RBFOX1: variants seen among roughly 807,000 people sequenced by gnomAD.
RBFOX1 encodes the protein RNA binding protein fox-1 homolog 1.
A neutral mutation model predicts 57.7 loss-of-function variants in RBFOX1; 8 were observed. That is an observed-to-expected ratio of 0.14 (90% CI 0.08 to 0.25). The LOEUF (loss-of-function observed/expected upper bound fraction) is 0.25, where lower values mean the gene tolerates loss of function less well. Among genes scored for constraint, RBFOX1 ranks in the 10% least tolerant of loss-of-function variants. The pLI is 1.00. For missense variants in RBFOX1, 611 were observed against 548.5 expected (o/e 1.11, Z -1.14); for synonymous variants, 326 against 222.4 (o/e 1.47, Z -4.15).
intron 3 of RBFOX1, among the ~76,000 whole-genome samples, chr16:6,722,422 G>T (rs1203394931): frequency 6.6e-6 from 1 of 152,198 alleles, no homozygotes; most frequent in African/African-American, 2.4e-5. Flanking sequence ...ATTATTTGCA[G>T]AGCAGCTGGA....
At chr16:7,455,234 G>A (rs749953136) in intron 4 of RBFOX1, among the ~76,000 whole-genome samples, 1 of 152,098 alleles carries the variant, frequency 6.6e-6, no homozygotes, top group Non-Finnish European at 1.5e-5. Flanking sequence ...AATAAGTGGT[G>A]GTTTTATTTC....
chr16:6,970,662 C>T (rs567211448), intron 3 of RBFOX1, among the ~76,000 whole-genome samples: 2 of 152,196 alleles, frequency 1.3e-5, no homozygotes, highest in Admixed American at 1.3e-4. Context: ...GCTATGACCT[C>T]ATGACGTAAT....
intron 1 of RBFOX1, among the ~76,000 whole-genome samples, chr16:5,417,389 CAA>C (rs2067189726): frequency 2.0e-5 from 3 of 152,134 alleles, no homozygotes; most frequent in African/African-American, 7.2e-5. Context: ...GCATGATTGA[CAA>C]AGTCATTTCT....
chr16:6,886,173 T>A (rs965276161), intron 3 of RBFOX1, among the ~76,000 whole-genome samples: 1 of 151,742 alleles, frequency 6.6e-6, no homozygotes, highest in African/African-American at 2.4e-5. Context: ...GTGACTCTCC[T>A]GCCTCAGCCT....
At chr16:6,646,345 T>C (rs2345610) in intron 2 of RBFOX1, among the ~76,000 whole-genome samples, 112,311 of 152,058 alleles carry the variant, frequency 0.74, 41,636 homozygotes, top group Admixed American at 0.83. Flanking sequence ...GATGACAAAC[T>C]AACAATATCA....
chr16:5,869,871 A>T (rs1384521808), intron 4 of RBFOX1, among the ~76,000 whole-genome samples: 1 of 152,158 alleles, frequency 6.6e-6, no homozygotes, highest in Non-Finnish European at 1.5e-5. Flanking sequence ...CACATGCAAG[A>T]ATTCCCATAA....
At chr16:6,415,806 C>T (rs929957587) in intron 2 of RBFOX1, among the ~76,000 whole-genome samples, 9 of 152,168 alleles carry the variant, frequency 5.9e-5, no homozygotes, top group South Asian at 2.1e-4. Flanking sequence ...CAAATGCAGA[C>T]GCAAATGACT....
chr16:6,800,154 C>G (rs1032969141), intron 3 of RBFOX1, among the ~76,000 whole-genome samples: 21 of 152,098 alleles, frequency 1.4e-4, no homozygotes, highest in East Asian at 7.7e-4. Flanking sequence ...GGGCCAATTT[C>G]TTTGCGACAT....
intron 3 of RBFOX1, among the ~76,000 whole-genome samples, chr16:6,905,598 C>G (rs984485168): frequency 6.7e-6 from 1 of 149,430 alleles, no homozygotes; most frequent in African/African-American, 2.5e-5. Flanking sequence ...TTCAAATCAT[C>G]TAGCTAGTAG....
chr16:6,169,448 A>G (rs1207230142), intron 1 of RBFOX1, among the ~76,000 whole-genome samples: 3 of 152,216 alleles, frequency 2.0e-5, no homozygotes, highest in Non-Finnish European at 4.4e-5. Flanking sequence ...CTGATGAAAA[A>G]AAAAGCTTCA....
At chr16:5,385,512 T>C (rs563494165) in intron 1 of RBFOX1, among the ~76,000 whole-genome samples, 1 of 152,300 alleles carries the variant, frequency 6.6e-6, no homozygotes, top group Admixed American at 6.5e-5. Flanking sequence ...AACAGAATAA[T>C]TCGGGGAGCA....
chr16:5,301,421 C>A (rs556850698), intron 1 of RBFOX1, among the ~76,000 whole-genome samples: 1 of 151,992 alleles, frequency 6.6e-6, no homozygotes, highest in Admixed American at 6.6e-5. Flanking sequence ...AGATTGAGAC[C>A]ATCCTGGCTA....
intron 4 of RBFOX1, among the ~76,000 whole-genome samples, chr16:7,375,914 T>TC (rs1348148277): frequency 1.3e-5 from 2 of 152,192 alleles, no homozygotes; most frequent in African/African-American, 4.8e-5. Context: ...TGTGCCCACG[T>TC]CCTGCCTTAA....
At chr16:5,801,083 C>T (rs1457041133) in intron 3 of RBFOX1, among the ~76,000 whole-genome samples, 1 of 152,088 alleles carries the variant, frequency 6.6e-6, no homozygotes, top group African/African-American at 2.4e-5. Flanking sequence ...TAAAAATAGG[C>T]CCCGCCCAGA....
rs559063754 is a variant in RBFOX1 at position 6,408,590 on chromosome 16, G to A, written c.-64+91533G>A. 1.2e-4 allele frequency among the ~76,000 whole-genome samples: 18 copies of A among 152,236 alleles called. No individual in the cohort carries two copies. The East Asian group carries it at 2.7e-3, about 23-fold the overall frequency. On this transcript the variant is annotated intron_variant, in intron 2 of 15. Transcript: ENST00000550418. ...ATGTAGTTTGAATGAGCTTATTAGA[G>A]TGTCTATGAAGTGTCCTCTGTTCTT...
intron 2 of RBFOX1, among the ~76,000 whole-genome samples, chr16:6,525,024 A>T (rs1021223346): frequency 6.6e-6 from 1 of 152,170 alleles, no homozygotes; most frequent in Non-Finnish European, 1.5e-5. Flanking sequence ...CTTAGTACAG[A>T]GATCTTCATG....
At position 7,280,159 on chromosome 16, in the gene RBFOX1, G is replaced by A. The variant is rs144299612; in HGVS notation, c.27+228061G>A. Among the ~76,000 whole-genome samples, 708 of 152,306 alleles carry A rather than the reference G, an allele frequency of 4.6e-3. 2 individuals are homozygous for A. The highest frequency in any genetic ancestry group is 0.016 in the African/African-American group (670 of 41,574). On this transcript the variant is annotated intron_variant, in intron 4 of 15. Transcript: ENST00000550418. The stretch of plus-strand genomic sequence containing the variant: ...CACAGAGTCTTGGTTCTTTGCAAAC[G>A]CAAAGGAAAACACGATGTACACCTT...
At chr16:7,534,086 C>CTTT (rs529708813) in intron 5 of RBFOX1, among the ~76,000 whole-genome samples, 8,150 of 129,828 alleles carry the variant, frequency 0.063, 450 homozygotes, top group Middle Eastern at 0.14. Context: ...CGTTTTTTTT[C>CTTT]TTTTTTTTTT....
chr16:5,697,581 T>C (rs2050886706), intron 3 of RBFOX1, among the ~76,000 whole-genome samples: 1 of 146,974 alleles, frequency 6.8e-6, no homozygotes, highest in African/African-American at 2.5e-5. Flanking sequence ...TCACCCAGGC[T>C]GGAGTGCATT....
Sources: gnomAD v4.1 joint callset for allele counts (sites outside exome capture counted in the v4.1 genomes callset) on GRCh38, gnomAD v4.1.1 for gene constraint, MANE v1.5 for transcripts, NCBI Gene and HGNC (gene_info 2026-07-23, HGNC 2026-07-21) for gene names.